The following ALPK1 variants were observed in gnomAD, a reference collection of about 807,000 sequenced individuals.
ALPK1 encodes alpha-protein kinase 1.
A neutral mutation model predicts 120.6 loss-of-function variants in ALPK1; 110 were observed. The ratio of observed to expected loss-of-function variants is 0.91; its 90% CI spans 0.78 to 1.07. The LOEUF (loss-of-function observed/expected upper bound fraction) is 1.07. ALPK1 is among the 50% of genes least tolerant of loss of function. The pLI, the probability that ALPK1 is intolerant of heterozygous loss-of-function variation, is 0.00. For missense variants in ALPK1, 1,498 were observed against 1,483.9 expected (o/e 1.01, Z -0.16); for synonymous variants, 582 against 560.3 (o/e 1.04, Z -0.55).
At chr4:112,427,858 C>T in intron 9 of ALPK1, 193 bp downstream of exon 9, 1 of 513,510 alleles carries the variant, frequency 1.9e-6, no homozygotes, top group East Asian at 3.0e-5. Flanking sequence ...GCGCCTAGCA[C>T]TGTAACAGAC....
chr4:112,416,365 A>G (rs1025782144), intron 5 of ALPK1, among the ~76,000 whole-genome samples: 3 of 152,176 alleles, frequency 2.0e-5, no homozygotes, highest in African/African-American at 7.2e-5. Context: ...TACCATTAAC[A>G]GTGGGGGAGA....
In ALPK1 at chr4:112,432,155, G is replaced by T. The variant is rs2074380; in HGVS notation, c.2608G>T (p.Gly870Cys). 11 of 1,614,070 alleles carry T rather than the reference G, an allele frequency of 6.8e-6. No homozygotes were observed. The Admixed American group carries it at 1.7e-4, about 24-fold the overall frequency. Residue 870 changes from glycine to cysteine, a missense_variant, in exon 11 of 16, where the codon GGC becomes TGC. Physicochemically the swap from Gly to Cys is radical, Grantham distance 159. Coordinates refer to ENST00000650871, the MANE Select transcript of ALPK1 (RefSeq NM_025144.4). The part of the protein sequence containing the change: ...SMDVPCTNGH[G>C]SHRLCILRQP... Reference sequence around the variant, plus strand: ...GGATGTTCCCTGCACAAATGGGCACGGCTCTCATAGACTGTGCATTCTGAG... The same window carrying T: ...GGATGTTCCCTGCACAAATGGGCACTGCTCTCATAGACTGTGCATTCTGAG...
intron 2 of ALPK1, chr4:112,352,532 A>G (rs902891068): frequency 6.6e-6 from 1 of 152,246 alleles, no homozygotes; most frequent in African/African-American, 2.4e-5. Flanking sequence ...ATTCTTACCC[A>G]TAACTTTAAA....
chr4:112,336,299 G>C (rs1285135631), intron 2 of ALPK1, among the ~76,000 whole-genome samples: 2 of 152,162 alleles, frequency 1.3e-5, no homozygotes, highest in Non-Finnish European at 2.9e-5. Flanking sequence ...ATGGAAAGTA[G>C]ATTCATTAAA....
chr4:112,439,749 G>A lies in ALPK1; in HGVS notation c.3415G>A (p.Val1139Ile). The A allele has an allele frequency of 1.2e-6, 2 of 1,613,618 alleles. No homozygotes were observed. The highest frequency in any genetic ancestry group is 1.7e-6 in the Non-Finnish European group (2 of 1,179,828). The stretch of plus-strand genomic sequence containing the variant: ...GGAGCCTTACATACTGGGAGAATTT[G>A]TAAAATTGTCAAATAACACGAAAGT... ...SVEPYILGEFVKLSNNTKVVK... is the reference protein window; with the variant it reads ...SVEPYILGEFIKLSNNTKVVK... Residue 1139 changes from valine to isoleucine, a missense_variant, in exon 14 of 16, where the codon GTA becomes ATA. By Grantham distance (29) the Val-to-Ile change is conservative. Coordinates refer to ENST00000650871, the MANE Select transcript of ALPK1 (RefSeq NM_025144.4).
At chr4:112,387,282 A>G (rs929975069) in intron 4 of ALPK1, among the ~76,000 whole-genome samples, 3 of 152,268 alleles carry the variant, frequency 2.0e-5, no homozygotes, top group Non-Finnish European at 4.4e-5. Flanking sequence ...AAAGCTTTCA[A>G]AAAGTAAAGT....
chr4:112,380,629 TTC>T (rs1182152669), intron 3 of ALPK1, among the ~76,000 whole-genome samples: 1 of 152,186 alleles, frequency 6.6e-6, no homozygotes, highest in Non-Finnish European at 1.5e-5. Context: ...CTTTTGTTCT[TTC>T]TGTCATATCT....
intron 3 of ALPK1, among the ~76,000 whole-genome samples, chr4:112,380,531 T>C (rs567586506): frequency 3.8e-4 from 58 of 152,284 alleles, no homozygotes; most frequent in African/African-American, 1.3e-3. Context: ...ACCAGAAAAC[T>C]TCCTTCCATT....
At chr4:112,388,584 T>C (rs1732255010) in intron 4 of ALPK1, among the ~76,000 whole-genome samples, 1 of 151,888 alleles carries the variant, frequency 6.6e-6, no homozygotes, top group Non-Finnish European at 1.5e-5. Flanking sequence ...TCTTATATGC[T>C]TTGGGGCTTT....
intron 2 of ALPK1, chr4:112,357,028 C>A: frequency 1.2e-6 from 1 of 806,706 alleles, no homozygotes; most frequent in Non-Finnish European, 2.2e-6. Context: ...CGGAGTTCAG[C>A]GCGGACCCCA....
At chr4:112,420,016 C>T (rs1733920570) in intron 5 of ALPK1, among the ~76,000 whole-genome samples, 1 of 152,196 alleles carries the variant, frequency 6.6e-6, no homozygotes, top group Non-Finnish European at 1.5e-5. Flanking sequence ...CATTCCATCT[C>T]CAGCTCTTAG....
intron 5 of ALPK1, among the ~76,000 whole-genome samples, chr4:112,416,243 C>G (rs1733741941): frequency 6.6e-6 from 1 of 152,122 alleles, no homozygotes; most frequent in South Asian, 2.1e-4. Context: ...GCCTGGCTGC[C>G]CACCTGGGAC....
chr4:112,304,777 G>T (rs1053498524), intron 1 of ALPK1, among the ~76,000 whole-genome samples: 1 of 152,012 alleles, frequency 6.6e-6, no homozygotes, highest in Non-Finnish European at 1.5e-5. Flanking sequence ...TGTCAATTTT[G>T]GCTTTTATTC....
In ALPK1 at chr4:112,441,561, T is replaced by C. The variant is rs1735041421; in HGVS notation, c.*351T>C. 4.2e-6 allele frequency: 1 copy of C among 236,384 alleles called. No individual in the cohort carries two copies. Among genetic ancestry groups the C allele is most frequent in the Non-Finnish European group, 8.2e-6 (1 of 122,566 alleles). 14.6% of individuals were successfully genotyped at this position (236,384 alleles called of 1,614,324 possible). A position where few individuals can be genotyped will look rare whatever the true frequency, so the allele number is the denominator to read the frequency against. ...TACTACTGGGGCTTTTCCTATTGAT[T>C]TGGGAGTTCTTTACATATTAAAAAA... On this transcript the variant is annotated 3_prime_UTR_variant, in exon 16 of 16. Transcript: ENST00000650871.
chr4:112,345,853 T>G (rs1730077086), intron 2 of ALPK1, among the ~76,000 whole-genome samples: 1 of 152,166 alleles, frequency 6.6e-6, no homozygotes. Context: ...TTCTAAGTAT[T>G]TCAGAATGTA....
intron 2 of ALPK1, chr4:112,359,726 A>G (rs1002349447): frequency 1.7e-5 from 5 of 287,940 alleles, no homozygotes; most frequent in Non-Finnish European, 3.4e-5. Flanking sequence ...ACGGGCATGC[A>G]GTATCTGAGT....
intron 2 of ALPK1, among the ~76,000 whole-genome samples, chr4:112,349,700 T>C (rs1730263432): frequency 6.6e-6 from 1 of 151,970 alleles, no homozygotes; most frequent in Admixed American, 6.6e-5. Flanking sequence ...ACTACAGGCG[T>C]GTACCACCAC....
intron 2 of ALPK1, among the ~76,000 whole-genome samples, chr4:112,339,612 C>A (rs1262038839): frequency 6.6e-6 from 1 of 152,098 alleles, no homozygotes; most frequent in South Asian, 2.1e-4. Context: ...TTTGTTTTAA[C>A]TAAAAAAATA....
intron 2 of ALPK1, among the ~76,000 whole-genome samples, chr4:112,337,001 T>G (rs1280021226): frequency 6.6e-6 from 1 of 152,138 alleles, no homozygotes; most frequent in Non-Finnish European, 1.5e-5. Context: ...GTTTTCATGT[T>G]TTAAAATTGG....
Sources: gnomAD v4.1 joint callset for allele counts (sites outside exome capture counted in the v4.1 genomes callset) on GRCh38, gnomAD v4.1.1 for gene constraint, MANE v1.5 for transcripts, NCBI Gene and HGNC (gene_info 2026-07-23, HGNC 2026-07-21) for gene names.